Variants in MORN5 observed in about 807,000 individuals in gnomAD.
MORN5 encodes the protein MORN repeat-containing protein 5.
A neutral mutation model predicts 22.1 loss-of-function variants in MORN5; 21 were observed. The ratio of observed to expected loss-of-function variants is 0.95; its 90% CI spans 0.67 to 1.37. MORN5 has a LOEUF of 1.37. Among genes scored for constraint, MORN5 ranks in the 40% most tolerant of loss-of-function variants. The pLI, the probability that MORN5 is intolerant of heterozygous loss-of-function variation, is 0.00. For missense variants in MORN5, 211 were observed against 215.1 expected, an observed-to-expected ratio of 0.98 and a Z score of 0.12; for synonymous variants, 73 against 74.0, an observed-to-expected ratio of 0.99 and a Z score of 0.07.
Position 122,166,925 on chromosome 9 carries a change from T to G in MORN5, c.195+10T>G. ...CGGATTGGCCATAAAGGTGATCAGCTGGGGGGACGGATGCTGTGGAGGAGA... is the reference window on the plus strand; with the variant it reads ...CGGATTGGCCATAAAGGTGATCAGCGGGGGGGACGGATGCTGTGGAGGAGA... On this transcript the variant is annotated intron_variant, in intron 2 of 4. Coordinates refer to ENST00000373764, the MANE Select transcript of MORN5 (RefSeq NM_198469.4). The G allele has an allele frequency of 6.2e-7, 1 of 1,611,084 alleles. No homozygotes were observed. The highest frequency in any genetic ancestry group is 8.5e-7 in the Non-Finnish European group (1 of 1,178,354).
At position 122,169,680 on chromosome 9, in the gene MORN5, T is replaced by G; in HGVS notation, c.231T>G (p.Asp77Glu). The change falls in exon 3 of 5, where the codon GAT (aspartate) becomes GAG (glutamate). Residue 77 changes from aspartate to glutamate, a missense_variant. By Grantham distance (45) the Asp-to-Glu change is conservative (BLOSUM62 2). Transcript: ENST00000373764. Reference protein sequence around the residue: ...TYTFSDGLHYDEKNWHYCDGY... With the variant: ...TYTFSDGLHYEEKNWHYCDGY... ...CGTTCTCAGATGGGCTGCACTATGA[T>G]GAGAAAAACTGGCATTACTGCGACG... 1 of 1,614,104 alleles carries G rather than the reference T, an allele frequency of 6.2e-7. No homozygotes were observed. Among genetic ancestry groups the G allele is most frequent in the Non-Finnish European group, 8.5e-7 (1 of 1,179,982 alleles).
intron 3 of MORN5, among the ~76,000 whole-genome samples, chr9:122,170,442 G>A (rs998610743): frequency 1.3e-5 from 2 of 152,124 alleles, no homozygotes; most frequent in African/African-American, 4.8e-5. Flanking sequence ...GTTCTTATTC[G>A]TGGTACCTAC....
chr9:122,167,117 G>A (rs1353271189), intron 2 of MORN5, among the ~76,000 whole-genome samples: 1 of 146,126 alleles, frequency 6.8e-6, no homozygotes, highest in Non-Finnish European at 1.5e-5. Flanking sequence ...GCACAATCTC[G>A]GCTCACTGCA....
At chr9:122,178,479 C>T (rs1829487472) in intron 4 of MORN5, among the ~76,000 whole-genome samples, 1 of 152,040 alleles carries the variant, frequency 6.6e-6, no homozygotes, top group Non-Finnish European at 1.5e-5. Context: ...TACAGCGAGA[C>T]CCCCTCTCAA....
At chr9:122,167,910 A>T (rs2118745037) in intron 2 of MORN5, among the ~76,000 whole-genome samples, 2 of 151,924 alleles carry the variant, frequency 1.3e-5, no homozygotes, top group South Asian at 4.2e-4. Flanking sequence ...CATCACTCCG[A>T]CCTCTGCTTT....
chr9:122,200,031 G>C lies in MORN5; in HGVS notation c.*100G>C. On this transcript the variant is annotated 3_prime_UTR_variant, in exon 5 of 5. Transcript: ENST00000373764. ...TAGCATTGGCTGCCCTGGGGGACGG[G>C]CTGTAGTTCTAGAACCTGATTTTAA... 5.1e-6 allele frequency: 6 copies of C among 1,183,264 alleles called. No homozygotes were observed. In the South Asian group the frequency reaches 7.4e-5, roughly 15 times the overall value. 73.3% of individuals were successfully genotyped at this position (1,183,264 alleles called of 1,614,324 possible).
chr9:122,169,801 A>G, intron 3 of MORN5, 45 bp downstream of exon 3: 1 of 1,268,826 alleles, frequency 7.9e-7, no homozygotes. Context: ...ACTGAGAGGG[A>G]AACTAAGACA....
At chr9:122,181,115 A>G (rs763069067) in intron 4 of MORN5, among the ~76,000 whole-genome samples, 20 of 152,228 alleles carry the variant, frequency 1.3e-4, no homozygotes, top group Admixed American at 2.6e-4. Flanking sequence ...GCAGTTTAAC[A>G]TCTGTCAGAG....
intron 1 of MORN5, among the ~76,000 whole-genome samples, chr9:122,165,955 G>A (rs1398553804): frequency 6.6e-6 from 1 of 152,150 alleles, no homozygotes; most frequent in Non-Finnish European, 1.5e-5. Context: ...CAAAGACTGG[G>A]TAATCTATAA....
chr9:122,173,211 T>C (rs1280172391), intron 3 of MORN5, among the ~76,000 whole-genome samples: 1 of 152,226 alleles, frequency 6.6e-6, no homozygotes, highest in African/African-American at 2.4e-5. Flanking sequence ...AGCTTGATTC[T>C]AAGTAGCTAC....
chr9:122,195,566 G>C (rs151270187), intron 4 of MORN5, among the ~76,000 whole-genome samples: 82 of 152,284 alleles, frequency 5.4e-4, no homozygotes, highest in South Asian at 1.0e-3. Context: ...GATTAGATTG[G>C]AGTTGTGGGT....
chr9:122,169,402 C>T (rs931380212), intron 2 of MORN5, among the ~76,000 whole-genome samples: 2 of 152,202 alleles, frequency 1.3e-5, no homozygotes, highest in African/African-American at 4.8e-5. Flanking sequence ...AAATGAAGGG[C>T]CAGAGAGAGT....
chr9:122,169,755 AG>A lies in MORN5; in HGVS notation c.307+1del. Reference protein sequence around the residue: ...TEILNGLKPAGMAQLTNMDPP... With the variant: ...TEILNGLKPAXMAQLTNMDPP... ...AGATCCTCAATGGCTTGAAGCCTGC[AG>A]GTACCCAGGCACCCACCCTTTCCTT... is the stretch of plus-strand genomic sequence containing the variant. On this transcript the variant is annotated frameshift_variant and splice_region_variant, in exon 3 of 5. Transcript: ENST00000373764. LOFTEE classifies it high-confidence loss of function. The A allele has an allele frequency of 6.2e-7, 1 of 1,601,316 alleles. No homozygotes were observed. The highest frequency in any genetic ancestry group is 1.7e-5 in the Admixed American group (1 of 60,006).
At position 122,199,963 on chromosome 9, in the gene MORN5, G is replaced by A. The variant is rs368285441; in HGVS notation, c.*32G>A. 6.2e-7 allele frequency: 1 copy of A among 1,612,790 alleles called. No homozygotes were observed. Among genetic ancestry groups the A allele is most frequent in the South Asian group, 1.1e-5 (1 of 91,050 alleles). ...ATCGTGGGTCACAGGCCCGAGCCGT[G>A]AACTCTGTGGCTGCCTCCACCAGAG... On this transcript the variant is annotated 3_prime_UTR_variant, in exon 5 of 5. Transcript: ENST00000373764.
intron 1 of MORN5, chr9:122,164,519 G>A: frequency 1.0e-6 from 1 of 965,338 alleles, no homozygotes; most frequent in Non-Finnish European, 1.2e-6. Context: ...TTGAACCAGA[G>A]GATTCTGATA....
At chr9:122,171,200 C>T (rs1474168050) in intron 3 of MORN5, among the ~76,000 whole-genome samples, 1 of 152,142 alleles carries the variant, frequency 6.6e-6, no homozygotes, top group African/African-American at 2.4e-5. Flanking sequence ...TGAGCCTGCA[C>T]AAGTCAACCT....
chr9:122,160,839 A>G (rs1829186354), intron 1 of MORN5, among the ~76,000 whole-genome samples: 2 of 151,866 alleles, frequency 1.3e-5, no homozygotes, highest in South Asian at 4.2e-4. Context: ...CTGGTCTCAT[A>G]CTCCTGGGCT....
At chr9:122,185,087 G>A (rs371108784) in intron 4 of MORN5, among the ~76,000 whole-genome samples, 20 of 152,010 alleles carry the variant, frequency 1.3e-4, no homozygotes, top group East Asian at 5.8e-4. Context: ...ACGGAGTCTC[G>A]CTCTTTCACT....
rs149755880 is a variant in MORN5, at chr9:122,162,354, C to T, written c.47+2335C>T. Among the ~76,000 whole-genome samples the T allele has an allele frequency of 4.3e-3, 657 of 152,170 alleles. 5 individuals are homozygous for T. The highest frequency in any genetic ancestry group is 0.01 in the African/African-American group (433 of 41,508). On this transcript the variant is annotated intron_variant, in intron 1 of 4. Transcript: ENST00000373764. ...TATACAGTAGGAAGTTGATATTTAACGTTTGGTTTAAAAAGTTTATGTAGA... is the reference window on the plus strand; with the variant it reads ...TATACAGTAGGAAGTTGATATTTAATGTTTGGTTTAAAAAGTTTATGTAGA...
Sources: allele counts gnomAD v4.1 joint callset (sites outside exome capture counted in the v4.1 genomes callset), GRCh38; gene constraint gnomAD v4.1.1; transcripts MANE v1.5; gene names NCBI Gene and HGNC (gene_info 2026-07-23, HGNC 2026-07-21).